The following PCDH7 variants were observed in gnomAD, a reference collection of about 807,000 sequenced individuals.
The protein encoded by PCDH7 is protocadherin 7.
PCDH7 carries 17 observed loss-of-function variants against 58.9 expected under a neutral mutation model. The observed-to-expected ratio is 0.29, with a 90% CI of 0.20 to 0.43. PCDH7 has a LOEUF of 0.43. Ranked by LOEUF, PCDH7 falls within the 20% of genes least tolerant of loss-of-function variation. PCDH7 has a pLI of 1.00. For missense variants in PCDH7, 1,274 were observed against 1,441.0 expected (o/e 0.88, Z 1.88); for synonymous variants, 664 against 616.4 (o/e 1.08, Z -1.14).
intron 3 of PCDH7, among the ~76,000 whole-genome samples, chr4:31,120,021 G>A (rs1717472159): frequency 6.6e-6 from 1 of 151,386 alleles, no homozygotes; most frequent in Admixed American, 6.6e-5. Flanking sequence ...TTTTAGAGAG[G>A]CAGTGTGACA....
downstream of PCDH7, among the ~76,000 whole-genome samples, chr4:30,736,475 T>G (rs964241765): frequency 6.6e-6 from 1 of 152,032 alleles, no homozygotes; most frequent in African/African-American, 2.4e-5. Context: ...CCTGTGATTT[T>G]TATCTGGCAC....
intron 3 of PCDH7, among the ~76,000 whole-genome samples, chr4:31,000,138 A>G (rs1386891378): frequency 6.6e-6 from 1 of 152,088 alleles, no homozygotes; most frequent in Non-Finnish European, 1.5e-5. Context: ...TGCTGCAAAA[A>G]TTTCATGGTC....
chr4:30,887,397 C>T (rs1737965803), intron 1 of PCDH7, among the ~76,000 whole-genome samples: 1 of 152,052 alleles, frequency 6.6e-6, no homozygotes, highest in African/African-American at 2.4e-5. Context: ...TCACTTGAAA[C>T]ATCTTTATAT....
chr4:30,836,795 C>T (rs893999462), intron 1 of PCDH7, among the ~76,000 whole-genome samples: 2 of 152,048 alleles, frequency 1.3e-5, no homozygotes, highest in Admixed American at 6.6e-5. Flanking sequence ...ATTTCCAACA[C>T]AAGAGATGAA....
chr4:31,046,706 C>T (rs1464364975), intron 3 of PCDH7, among the ~76,000 whole-genome samples: 1 of 151,534 alleles, frequency 6.6e-6, no homozygotes, highest in Non-Finnish European at 1.5e-5. Context: ...TCAAAGAGGC[C>T]GAATCTATTG....
chr4:30,812,697 C>T (rs1282839220), intron 1 of PCDH7, among the ~76,000 whole-genome samples: 2 of 152,210 alleles, frequency 1.3e-5, no homozygotes, highest in East Asian at 1.9e-4. Flanking sequence ...TTTCTAAACC[C>T]TGTTCTCAGT....
chr4:30,912,333 A>T (rs1741885551), intron 1 of PCDH7, among the ~76,000 whole-genome samples: 1 of 152,240 alleles, frequency 6.6e-6, no homozygotes, highest in Non-Finnish European at 1.5e-5. Context: ...TTTGCAGATT[A>T]ATCAGTGCCT....
Position 31,063,189 on chromosome 4 carries a change from A to G in PCDH7, c.*8-79284A>G, listed in dbSNP as rs1465665674. On this transcript the variant is annotated intron_variant, in intron 3 of 3. Coordinates refer to the PCDH7 transcript ENST00000509759. ...ATTTAATCAGTTAACTCACTCATTC[A>G]TGTGTATGTACCATGTGGATTACTG... 1.3e-5 allele frequency among the ~76,000 whole-genome samples: 2 copies of G among 151,884 alleles called. 1 individual carries two copies.
intron 2 of PCDH7, among the ~76,000 whole-genome samples, chr4:30,946,462 C>CA (rs1340996096): frequency 6.6e-6 from 1 of 152,006 alleles, no homozygotes; most frequent in Non-Finnish European, 1.5e-5. Flanking sequence ...GCTGACTCTC[C>CA]AGCTCTCACC....
At chr4:30,864,168 G>T (rs1365737880) in intron 1 of PCDH7, among the ~76,000 whole-genome samples, 1 of 151,356 alleles carries the variant, frequency 6.6e-6, no homozygotes, top group African/African-American at 2.4e-5. Context: ...TCATTTATAT[G>T]TTTATTCATT....
chr4:30,739,163 T>A (rs927075213), intron 1 of PCDH7, among the ~76,000 whole-genome samples: 4 of 147,068 alleles, frequency 2.7e-5, no homozygotes, highest in Non-Finnish European at 6.0e-5. Context: ...ATATATATTA[T>A]ATATATATAT....
At chr4:30,962,516 G>A (rs1748541289) in intron 3 of PCDH7, among the ~76,000 whole-genome samples, 2 of 152,232 alleles carry the variant, frequency 1.3e-5, no homozygotes, top group Admixed American at 1.3e-4. Context: ...GATGGGCATG[G>A]TGGCTTGTGT....
intron 3 of PCDH7, among the ~76,000 whole-genome samples, chr4:31,010,172 G>T (rs1211761746): frequency 6.6e-6 from 1 of 151,840 alleles, no homozygotes; most frequent in East Asian, 1.9e-4. Context: ...AGCTGGGAGG[G>T]TTTTGCAATT....
At chr4:31,114,632 A>AAC (rs34203962) in intron 3 of PCDH7, among the ~76,000 whole-genome samples, 12,015 of 143,450 alleles carry the variant, frequency 0.084, 640 homozygotes, top group African/African-American at 0.15. Flanking sequence ...CACACATACA[A>AAC]ACACACACAC....
chr4:31,062,322 T>A (rs760891468), intron 3 of PCDH7, among the ~76,000 whole-genome samples: 1 of 151,650 alleles, frequency 6.6e-6, no homozygotes, highest in Non-Finnish European at 1.5e-5. Flanking sequence ...TTGTTGCAAC[T>A]GGATAACGCA....
rs191476796 is a variant in PCDH7 at position 31,004,345 on chromosome 4, G to T, written c.*7+54130G>T. ...CATGATAGCTCATTTACAATGCACA[G>T]CAAAATATGCTTTATTTACTAACCT... On this transcript the variant is annotated intron_variant, in intron 3 of 3. Transcript: ENST00000509759. Among the ~76,000 whole-genome samples, 1,008 of 152,208 alleles carry T rather than the reference G, an allele frequency of 6.6e-3. 9 individuals carry two copies. The highest frequency in any genetic ancestry group is 7.5e-3 in the Non-Finnish European group (511 of 68,008).
intron 1 of PCDH7, among the ~76,000 whole-genome samples, chr4:30,898,160 A>G (rs1401900312): frequency 1.3e-5 from 2 of 152,168 alleles, no homozygotes; most frequent in African/African-American, 2.4e-5. Context: ...AGGGGGAAAA[A>G]CTGCATGAAC....
chr4:31,052,834 T>G (rs1311529579), intron 3 of PCDH7, among the ~76,000 whole-genome samples: 1 of 152,160 alleles, frequency 6.6e-6, no homozygotes, highest in Non-Finnish European at 1.5e-5. Context: ...GAAGAGTAAA[T>G]GAAAATAATA....
chr4:31,005,611 CTGTGCT>C (rs1293646106), intron 3 of PCDH7, among the ~76,000 whole-genome samples: 9 of 152,074 alleles, frequency 5.9e-5, no homozygotes, highest in African/African-American at 2.2e-4. Context: ...CTTTTTCTCC[CTGTGCT>C]TGTTAACATT....
Sources: gnomAD v4.1 joint callset for allele counts (sites outside exome capture counted in the v4.1 genomes callset) on GRCh38, gnomAD v4.1.1 for gene constraint, MANE v1.5 for transcripts, NCBI Gene and HGNC (gene_info 2026-07-23, HGNC 2026-07-21) for gene names.